The following AGTR1 variants were observed in gnomAD, a reference collection of about 807,000 sequenced individuals.
The protein encoded by AGTR1 is angiotensin II receptor type 1.
In AGTR1, 16 loss-of-function variants were observed where a neutral mutation model predicts 19.4. The observed-to-expected ratio is 0.82, with a 90% CI of 0.56 to 1.25. AGTR1 has a LOEUF of 1.25. AGTR1 is among the 50% of genes most tolerant of loss of function. AGTR1 has a pLI of 0.00. For synonymous variants in AGTR1, 153 were observed against 154.9 expected (o/e 0.99, Z 0.09); for missense variants, 373 against 431.9 (o/e 0.86, Z 1.21).
chr3:148,741,075 A>C lies in AGTR1; in HGVS notation c.40A>C (p.Ile14Leu). Reference protein sequence around the residue: ...NSSTEDGIKRIQDDCPKAGRH... With the variant: ...NSSTEDGIKRLQDDCPKAGRH... ...TTCTACTGAAGATGGTATTAAAAGA[A>C]TCCAAGATGATTGTCCCAAAGCTGG... The change falls in exon 3 of 3, where the codon ATC (isoleucine) becomes CTC (leucine). Residue 14 changes from isoleucine (I) to leucine (L), a missense_variant. Coordinates refer to ENST00000349243, the MANE Select transcript of AGTR1 (RefSeq NM_000685.5). The C allele has an allele frequency of 6.2e-7, 1 of 1,614,040 alleles. No homozygotes were observed. Among genetic ancestry groups the C allele is most frequent in the Non-Finnish European group, 8.5e-7 (1 of 1,179,914 alleles).
rs769171204 is a variant in AGTR1, at chr3:148,742,293, G to A, written c.*178G>A. ...TGAACAAAAGCTTTTCTTTCCTTTTGCAACAAGACAAAGCAAAGCCACATT... is the reference window on the plus strand; with the variant it reads ...TGAACAAAAGCTTTTCTTTCCTTTTACAACAAGACAAAGCAAAGCCACATT... On this transcript the variant is annotated 3_prime_UTR_variant, in exon 3 of 3. Transcript: ENST00000349243. 153 of 934,804 alleles carry A rather than the reference G, an allele frequency of 1.6e-4. 1 individual carries two copies. The highest frequency in any genetic ancestry group is 1.3e-4 in the Admixed American group (7 of 54,778). The allele number at this position is 934,804 out of a possible 1,614,324, so 57.9% of individuals were successfully genotyped here. A position where few individuals can be genotyped will look rare whatever the true frequency, so the allele number is the denominator to read the frequency against.
rs181577027 is a variant in AGTR1, at chr3:148,712,791, G to A, written c.-48+4764G>A. On this transcript the variant is annotated intron_variant, in intron 2 of 2. Coordinates refer to ENST00000349243, the MANE Select transcript of AGTR1 (RefSeq NM_000685.5). ...ATTGTATAGCAGTAATGGGTCAGCC[G>A]TATTTTATTCAACACTGAACCATTA... Among the ~76,000 whole-genome samples the A allele has an allele frequency of 5.3e-5, 8 of 152,224 alleles. No homozygotes were observed. In the East Asian group the frequency reaches 9.7e-4, roughly 18 times the overall value.
At chr3:148,735,689 A>G (rs1714534830) in intron 2 of AGTR1, among the ~76,000 whole-genome samples, 1 of 152,234 alleles carries the variant, frequency 6.6e-6, no homozygotes, top group Non-Finnish European at 1.5e-5. Context: ...TAGAAATATT[A>G]GTGCCAATTT....
At chr3:148,702,135 G>A (rs12721208) in intron 1 of AGTR1, among the ~76,000 whole-genome samples, 9 of 151,856 alleles carry the variant, frequency 5.9e-5, no homozygotes, top group South Asian at 2.1e-4. Context: ...ATGCCGCCAC[G>A]CCCAGCTAAT....
At chr3:148,715,485 T>C (rs1159997291) in intron 2 of AGTR1, among the ~76,000 whole-genome samples, 1 of 152,034 alleles carries the variant, frequency 6.6e-6, no homozygotes, top group East Asian at 1.9e-4. Context: ...CCCAAACGGG[T>C]AGCTGCCTCA....
chr3:148,721,743 T>C (rs1034327216), intron 2 of AGTR1, among the ~76,000 whole-genome samples: 3 of 152,162 alleles, frequency 2.0e-5, no homozygotes, highest in Non-Finnish European at 4.4e-5. Flanking sequence ...AGTTGAGAGC[T>C]GCACAGAGAA....
intron 1 of AGTR1, among the ~76,000 whole-genome samples, chr3:148,706,272 A>C (rs1712664598): frequency 6.6e-6 from 1 of 152,086 alleles, no homozygotes; most frequent in East Asian, 1.9e-4. Flanking sequence ...TCACACGGTC[A>C]TGATATTTTA....
At chr3:148,720,233 AACC>A in intron 2 of AGTR1, among the ~76,000 whole-genome samples, 1 of 152,250 alleles carries the variant, frequency 6.6e-6, no homozygotes, top group East Asian at 1.9e-4. Flanking sequence ...CCCAAAAAAC[AACC>A]ACATCATAAA....
At chr3:148,732,730 A>ATTTT (rs778034622) in intron 2 of AGTR1, among the ~76,000 whole-genome samples, 44 of 109,948 alleles carry the variant, frequency 4.0e-4, no homozygotes, top group Non-Finnish European at 5.2e-4. Context: ...GCTTCGGAAA[A>ATTTT]TTTTTTTTTT....
rs1297712680 is a variant in AGTR1, at chr3:148,740,996, T to A, written c.-40T>A. The A allele has an allele frequency of 6.2e-7, 1 of 1,611,880 alleles. No individual in the cohort carries two copies. Among genetic ancestry groups the A allele is most frequent in the East Asian group, 2.2e-5 (1 of 44,870 alleles). On this transcript the variant is annotated 5_prime_UTR_variant, in exon 3 of 3. An upstream open reading frame in the 5' UTR loses its in-frame stop. Transcript: ENST00000349243. ...TATTTTTATTTTCCCCAGGTGTATT[T>A]GATATAGTGTTTGCAACAAATTCGA...
At chr3:148,732,776 T>C (rs966007185) in intron 2 of AGTR1, among the ~76,000 whole-genome samples, 75 of 136,356 alleles carry the variant, frequency 5.5e-4, no homozygotes, top group African/African-American at 2.0e-3. Flanking sequence ...AGTCTCGCTC[T>C]GTCGCCCAGG....
At chr3:148,709,478 A>G (rs1372558097) in intron 2 of AGTR1, among the ~76,000 whole-genome samples, 1 of 152,220 alleles carries the variant, frequency 6.6e-6, no homozygotes, top group Non-Finnish European at 1.5e-5. Context: ...ATAACAAAAC[A>G]TGGAAGAAAA....
rs149751330 is a variant in AGTR1, at chr3:148,711,558, T to G, written c.-48+3531T>G. The stretch of plus-strand genomic sequence containing the variant: ...TAAATGCTAGTCATTTGTGCCTGAG[T>G]TTTTTTTTCAATAAACAGAAATGAA... On this transcript the variant is annotated intron_variant, in intron 2 of 2. Transcript: ENST00000349243. Among the ~76,000 whole-genome samples the G allele has an allele frequency of 2.0e-3, 297 of 151,502 alleles. 3 individuals are homozygous for G. Among genetic ancestry groups the G allele is most frequent in the African/African-American group, 7.0e-3 (288 of 41,314 alleles).
At chr3:148,733,505 T>TAA (rs1371746290) in intron 2 of AGTR1, among the ~76,000 whole-genome samples, 1 of 152,180 alleles carries the variant, frequency 6.6e-6, no homozygotes, top group Non-Finnish European at 1.5e-5. Context: ...GCTGCTGAAT[T>TAA]AAAGTTTCAA....
At chr3:148,734,787 C>T (rs530450931) in intron 2 of AGTR1, among the ~76,000 whole-genome samples, 9 of 152,156 alleles carry the variant, frequency 5.9e-5, no homozygotes, top group Admixed American at 5.2e-4. Context: ...CTTCCCTCTT[C>T]GTGGCTGCCA....
At chr3:148,729,327 A>G (rs577668932) in intron 2 of AGTR1, among the ~76,000 whole-genome samples, 1 of 152,310 alleles carries the variant, frequency 6.6e-6, no homozygotes, top group Admixed American at 6.5e-5. Flanking sequence ...ACTTCCCTAC[A>G]TAGCCTTCTA....
intron 2 of AGTR1, among the ~76,000 whole-genome samples, chr3:148,728,659 T>TC (rs1474907319): frequency 3.3e-5 from 5 of 152,178 alleles, no homozygotes; most frequent in Non-Finnish European, 7.3e-5. Context: ...TAAATATTTC[T>TC]CCGAGAGGTG....
chr3:148,708,291 C>T (rs1484360482), intron 2 of AGTR1, among the ~76,000 whole-genome samples: 3 of 152,114 alleles, frequency 2.0e-5, no homozygotes, highest in Non-Finnish European at 4.4e-5. Context: ...GTGAGAAAGT[C>T]CTTTGGCAAG....
At chr3:148,736,542 T>C (rs1362959011) in intron 2 of AGTR1, among the ~76,000 whole-genome samples, 1 of 152,228 alleles carries the variant, frequency 6.6e-6, no homozygotes, top group African/African-American at 2.4e-5. Context: ...TTAAGCACTA[T>C]TTGAAAGATA....
Sources: gnomAD v4.1 joint callset for allele counts (sites outside exome capture counted in the v4.1 genomes callset) on GRCh38, gnomAD v4.1.1 for gene constraint, MANE v1.5 for transcripts, NCBI Gene and HGNC (gene_info 2026-07-23, HGNC 2026-07-21) for gene names.